The following ZNHIT6 variants were observed in gnomAD, a reference collection of about 807,000 sequenced individuals.
ZNHIT6 encodes box C/D snoRNA protein 1.
Under a neutral mutation model 57.2 loss-of-function variants are expected in ZNHIT6, and 45 were observed. The ratio of observed to expected loss-of-function variants is 0.79; its 90% CI spans 0.62 to 1.01. ZNHIT6 has a LOEUF of 1.01. Among genes scored for constraint, ZNHIT6 ranks in the 50% least tolerant of loss-of-function variants. The pLI is 0.00. For missense variants in ZNHIT6, 528 were observed against 567.3 expected (o/e 0.93, Z 0.70); for synonymous variants, 188 against 190.0 (o/e 0.99, Z 0.09).
At chr1:85,667,725 C>A (rs1328023292) in intron 8 of ZNHIT6, among the ~76,000 whole-genome samples, 1 of 148,720 alleles carries the variant, frequency 6.7e-6, no homozygotes, top group African/African-American at 2.5e-5. Flanking sequence ...TTGAGGCCAG[C>A]AGTTTGAGAC....
In ZNHIT6 at chr1:85,708,070, G is replaced by T. The variant is rs752220053; in HGVS notation, c.215C>A (p.Pro72Gln). The T allele has an allele frequency of 1.2e-6, 2 of 1,614,034 alleles. No homozygotes were observed. Among genetic ancestry groups the T allele is most frequent in the Non-Finnish European group, 1.7e-6 (2 of 1,180,004 alleles). Reference sequence around the variant, plus strand: ...CTGCTTCACTACCGTTAGGTCCATCGGTATTTCCTCTGGCCTTTGTCCACT... The same window carrying T: ...CTGCTTCACTACCGTTAGGTCCATCTGTATTTCCTCTGGCCTTTGTCCACT... ...EGSGQRPEEI[P>Q]MDLTVVKQEI... Residue 72 changes from proline to glutamine, a missense_variant, in exon 1 of 10, where the codon CCG becomes CAG. Transcript: ENST00000370574.
Position 85,653,798 on chromosome 1 carries a change from C to T in ZNHIT6, c.*260G>A, listed in dbSNP as rs1032428548. On this transcript the variant is annotated 3_prime_UTR_variant, in exon 10 of 10. Transcript: ENST00000370574. ...CAGTTTATGGAATTAAGCAATTAAG[C>T]ATATTAAAAAGCCAGGGCCTAATAA... 2.7e-6 allele frequency: 1 copy of T among 367,938 alleles called. No individual in the cohort carries two copies. The highest frequency in any genetic ancestry group is 1.1e-4 in the South Asian group (1 of 9,204). 22.8% of individuals were successfully genotyped at this position (367,938 alleles called of 1,614,324 possible). A position where few individuals can be genotyped will look rare whatever the true frequency, so the allele number is the denominator to read the frequency against.
chr1:85,706,092 T>C lies in ZNHIT6; in HGVS notation c.901A>G (p.Ile301Val), dbSNP rs769759734. Reference protein sequence around the residue: ...ISRDAFLKRPISNKYMYFMKN... With the variant: ...ISRDAFLKRPVSNKYMYFMKN... ...AAAAATCTTACATATTTATTGCTTA[T>C]TGGTCTCTTCAAAAAAGCATCTCTA... is the stretch of plus-strand genomic sequence containing the variant. Residue 301 changes from isoleucine to valine, a missense_variant, in exon 4 of 10, where the codon ATA becomes GTA. Coordinates refer to ENST00000370574, the MANE Select transcript of ZNHIT6 (RefSeq NM_017953.4). 1.9e-6 allele frequency: 3 copies of C among 1,613,124 alleles called. No homozygotes were observed. The highest frequency in any genetic ancestry group is 1.7e-5 in the Admixed American group (1 of 59,898).
intron 5 of ZNHIT6, among the ~76,000 whole-genome samples, chr1:85,697,691 AT>A (rs1391538460): frequency 3.3e-5 from 5 of 152,212 alleles, no homozygotes; most frequent in Non-Finnish European, 5.9e-5. Flanking sequence ...ATTCTTCAAA[AT>A]AAACTTCAGT....
At chr1:85,673,109 A>G (rs535529339) in intron 8 of ZNHIT6, among the ~76,000 whole-genome samples, 1 of 152,284 alleles carries the variant, frequency 6.6e-6, no homozygotes, top group South Asian at 2.1e-4. Flanking sequence ...GTAAGAAATA[A>G]GGCGGCAAAG....
intron 9 of ZNHIT6, among the ~76,000 whole-genome samples, chr1:85,654,573 T>C (rs918835186): frequency 2.0e-5 from 3 of 152,180 alleles, no homozygotes; most frequent in African/African-American, 7.2e-5. Flanking sequence ...CTGACACCCC[T>C]GTCTTGCTTA....
intron 7 of ZNHIT6, among the ~76,000 whole-genome samples, chr1:85,678,146 A>C (rs546674635): frequency 6.6e-6 from 1 of 152,168 alleles, no homozygotes; most frequent in East Asian, 1.9e-4. Context: ...GAATCTTTCC[A>C]CTATGTTATG....
chr1:85,697,085 T>C (rs1009555002), intron 5 of ZNHIT6, among the ~76,000 whole-genome samples: 11 of 151,916 alleles, frequency 7.2e-5, no homozygotes, highest in African/African-American at 2.7e-4. Flanking sequence ...TTAGCCAGGA[T>C]GGTCTGGATC....
At chr1:85,690,543 C>T (rs1387934142) in intron 5 of ZNHIT6, among the ~76,000 whole-genome samples, 1 of 152,044 alleles carries the variant, frequency 6.6e-6, no homozygotes, top group African/African-American at 2.4e-5. Context: ...GGCAGGGAGT[C>T]CTCCTCTGTG....
chr1:85,682,529 A>G (rs1395280340), intron 5 of ZNHIT6, among the ~76,000 whole-genome samples: 1 of 152,166 alleles, frequency 6.6e-6, no homozygotes, highest in African/African-American at 2.4e-5. Flanking sequence ...AAAGCACTTA[A>G]CATTCCAAAC....
chr1:85,692,955 A>T (rs531287793), intron 5 of ZNHIT6, among the ~76,000 whole-genome samples: 1 of 152,312 alleles, frequency 6.6e-6, no homozygotes, highest in African/African-American at 2.4e-5. Context: ...AAGCTCTTAA[A>T]TATTAAGTTG....
In ZNHIT6 at chr1:85,652,247, A is replaced by G. The variant is rs1477295081; in HGVS notation, c.*1811T>C. ...ATATTCAGATCATATTCAGATCGCA[A>G]GTTCTTTTTGTATACGTTATCCCAC... is the stretch of plus-strand genomic sequence containing the variant. On this transcript the variant is annotated 3_prime_UTR_variant, in exon 10 of 10. Coordinates refer to ENST00000370574, the MANE Select transcript of ZNHIT6 (RefSeq NM_017953.4). 7 of 152,312 alleles carry G rather than the reference A, an allele frequency of 4.6e-5. No homozygotes were observed. In the East Asian group the frequency reaches 1.3e-3, roughly 29 times the overall value. 9.4% of individuals were successfully genotyped at this position (152,312 alleles called of 1,614,324 possible). A position where few individuals can be genotyped will look rare whatever the true frequency, so the allele number is the denominator to read the frequency against.
chr1:85,689,119 C>G (rs181516941), intron 5 of ZNHIT6, among the ~76,000 whole-genome samples: 1 of 152,044 alleles, frequency 6.6e-6, no homozygotes, highest in African/African-American at 2.4e-5. Context: ...CTGGAAGCAG[C>G]GAATAATACC....
At chr1:85,658,848 G>A (rs1185948385) in intron 8 of ZNHIT6, among the ~76,000 whole-genome samples, 1 of 151,912 alleles carries the variant, frequency 6.6e-6, no homozygotes, top group Non-Finnish European at 1.5e-5. Flanking sequence ...TCCAGCCTGG[G>A]CAAGAAGAGT....
intron 5 of ZNHIT6, among the ~76,000 whole-genome samples, chr1:85,687,034 C>T (rs961481619): frequency 2.6e-5 from 4 of 151,530 alleles, no homozygotes; most frequent in Non-Finnish European, 4.4e-5. Flanking sequence ...CTTTGGGAGG[C>T]CGAGATGGGT....
At chr1:85,656,757 T>C (rs1226069127) in intron 9 of ZNHIT6, among the ~76,000 whole-genome samples, 1 of 152,180 alleles carries the variant, frequency 6.6e-6, no homozygotes, top group Non-Finnish European at 1.5e-5. Flanking sequence ...AGAAACATCA[T>C]GTTTGCTAAC....
intron 8 of ZNHIT6, among the ~76,000 whole-genome samples, chr1:85,675,008 T>C (rs1315519645): frequency 1.3e-5 from 2 of 152,176 alleles, no homozygotes; most frequent in African/African-American, 4.8e-5. Flanking sequence ...TGTAAGTCCA[T>C]GAAGAGCCGA....
intron 8 of ZNHIT6, among the ~76,000 whole-genome samples, chr1:85,659,240 G>T (rs930740768): frequency 3.3e-5 from 5 of 152,188 alleles, no homozygotes; most frequent in African/African-American, 1.2e-4. Context: ...TGAGGTGGCT[G>T]AAAATGCATC....
At chr1:85,705,951 T>C in intron 4 of ZNHIT6, 127 bp downstream of exon 4, 1 of 781,236 alleles carries the variant, frequency 1.3e-6, no homozygotes, top group East Asian at 2.7e-5. Context: ...CACAGCCATA[T>C]CCTTAAGTAA....
Sources: allele counts gnomAD v4.1 joint callset (sites outside exome capture counted in the v4.1 genomes callset), GRCh38; gene constraint gnomAD v4.1.1; transcripts MANE v1.5; gene names NCBI Gene and HGNC (gene_info 2026-07-23, HGNC 2026-07-21).